The following THSD7B variants were observed in gnomAD, a reference collection of about 807,000 sequenced individuals.
The protein encoded by THSD7B is thrombospondin type 1 domain containing 7B, also known as thrombospondin type-1 domain-containing protein 7B.
In THSD7B, 138 loss-of-function variants were observed where a neutral mutation model predicts 213.6. The ratio of observed to expected loss-of-function variants is 0.65; its 90% CI spans 0.56 to 0.74. THSD7B has a LOEUF of 0.74. Ranked by LOEUF, THSD7B falls within the 30% of genes least tolerant of loss-of-function variation. THSD7B has a pLI of 0.00. For synonymous variants in THSD7B, 742 were observed against 687.0 expected (o/e 1.08, Z -1.25); for missense variants, 1,931 against 1,991.5 (o/e 0.97, Z 0.58).
intron 10 of THSD7B, among the ~76,000 whole-genome samples, chr2:137,269,655 A>G (rs1398179049): frequency 6.6e-6 from 1 of 152,250 alleles, no homozygotes; most frequent in Non-Finnish European, 1.5e-5. Flanking sequence ...AGTATAATTG[A>G]CATTAATTGG....
Position 136,882,105 on chromosome 2 carries a change from A to T in THSD7B, c.-35-39A>T, listed in dbSNP as rs549695204. 1,733 of 1,374,570 alleles carry T rather than the reference A, an allele frequency of 1.3e-3. 3 individuals carry two copies. The highest frequency in any genetic ancestry group is 1.5e-3 in the Non-Finnish European group (1,560 of 1,057,240). 85.1% of individuals were successfully genotyped at this position (1,374,570 alleles called of 1,614,324 possible). ...CAAAATGAGTTGTTATCTTTTCTTT[A>T]CAGAAGAAACTTACCTGATTTTTCT... On this transcript the variant is annotated intron_variant, in intron 1 of 27. Transcript: ENST00000409968.
intron 1 of THSD7B, among the ~76,000 whole-genome samples, chr2:136,807,320 T>G (rs774023277): frequency 2.6e-5 from 4 of 152,188 alleles, no homozygotes; most frequent in Non-Finnish European, 5.9e-5. Flanking sequence ...TATTTATTCA[T>G]ATCAGCATGG....
At chr2:137,468,937 T>A (rs375578158) in intron 15 of THSD7B, among the ~76,000 whole-genome samples, 2 of 152,164 alleles carry the variant, frequency 1.3e-5, no homozygotes, top group African/African-American at 4.8e-5. Flanking sequence ...TTGGACCTTT[T>A]TATTGACTAC....
intron 12 of THSD7B, among the ~76,000 whole-genome samples, chr2:137,399,729 A>T (rs570695039): frequency 3.2e-4 from 48 of 152,134 alleles, no homozygotes; most frequent in African/African-American, 1.2e-3. Flanking sequence ...CTGTATCTGG[A>T]TATCTAAATC....
At chr2:137,521,211 C>T (rs1324675196) in intron 15 of THSD7B, among the ~76,000 whole-genome samples, 5 of 152,122 alleles carry the variant, frequency 3.3e-5, no homozygotes, top group African/African-American at 9.7e-5. Flanking sequence ...TTATGAGATT[C>T]TATAGTCCTT....
intron 17 of THSD7B, among the ~76,000 whole-genome samples, chr2:137,574,931 A>G (rs1681428093): frequency 1.3e-5 from 2 of 152,142 alleles, no homozygotes; most frequent in Admixed American, 1.3e-4. Flanking sequence ...TGTCCTGTAG[A>G]ACATGAGCTG....
At chr2:137,632,296 G>A (rs1682756487) in intron 20 of THSD7B, among the ~76,000 whole-genome samples, 1 of 152,162 alleles carries the variant, frequency 6.6e-6, no homozygotes, top group Non-Finnish European at 1.5e-5. Flanking sequence ...GCTTTAAGAA[G>A]CCCCTCTGAA....
intron 7 of THSD7B, among the ~76,000 whole-genome samples, chr2:137,222,329 C>T (rs944457648): frequency 7.2e-5 from 11 of 152,106 alleles, no homozygotes; most frequent in Non-Finnish European, 1.0e-4. Flanking sequence ...GAAATCCAGA[C>T]GTCCCAACTA....
chr2:137,242,777 C>G (rs1681941846), intron 10 of THSD7B, among the ~76,000 whole-genome samples: 1 of 151,826 alleles, frequency 6.6e-6, no homozygotes, highest in South Asian at 2.1e-4. Flanking sequence ...ATTTTCTTAT[C>G]TTATGTCATA....
chr2:137,044,518 C>CA (rs1197085589), intron 2 of THSD7B, among the ~76,000 whole-genome samples: 2 of 152,092 alleles, frequency 1.3e-5, no homozygotes, highest in Non-Finnish European at 2.9e-5. Context: ...CCAGGACCTC[C>CA]AGTAGACACT....
intron 7 of THSD7B, among the ~76,000 whole-genome samples, chr2:137,227,234 C>A (rs1408149497): frequency 6.6e-6 from 1 of 152,090 alleles, no homozygotes; most frequent in East Asian, 1.9e-4. Context: ...TTTTCAAAAT[C>A]CCAAGTGACA....
intron 16 of THSD7B, among the ~76,000 whole-genome samples, chr2:137,565,151 A>G (rs1681208705): frequency 6.6e-6 from 1 of 152,136 alleles, no homozygotes; most frequent in Non-Finnish European, 1.5e-5. Context: ...CCTTGATCTC[A>G]GACTTCTAGT....
intron 12 of THSD7B, among the ~76,000 whole-genome samples, chr2:137,364,419 A>T (rs1685355550): frequency 6.6e-6 from 1 of 152,190 alleles, no homozygotes; most frequent in African/African-American, 2.4e-5. Context: ...AGAAAGAAAT[A>T]AAGGGGATTC....
intron 15 of THSD7B, among the ~76,000 whole-genome samples, chr2:137,551,546 C>T (rs1409532522): frequency 6.6e-6 from 1 of 152,112 alleles, no homozygotes; most frequent in Non-Finnish European, 1.5e-5. Flanking sequence ...GATTGCAAAC[C>T]ACTGTTCTTA....
At chr2:137,458,848 A>C (rs754772630) in intron 15 of THSD7B, among the ~76,000 whole-genome samples, 14 of 152,142 alleles carry the variant, frequency 9.2e-5, no homozygotes, top group Non-Finnish European at 1.9e-4. Context: ...ACTTTTCATA[A>C]AGATCAGTGA....
chr2:137,271,404 TATGAATTATA>T (rs1682731303), intron 10 of THSD7B, among the ~76,000 whole-genome samples: 2 of 142,828 alleles, frequency 1.4e-5, no homozygotes, highest in African/African-American at 5.2e-5. Context: ...ATTATATATA[TATGAATTATA>T]ATATATAATT....
chr2:137,398,766 G>T (rs558594537), intron 12 of THSD7B, among the ~76,000 whole-genome samples: 2 of 152,174 alleles, frequency 1.3e-5, no homozygotes, highest in South Asian at 2.1e-4. Context: ...CCCCAGCCTC[G>T]CTGCTGCCTT....
intron 2 of THSD7B, among the ~76,000 whole-genome samples, chr2:136,933,151 C>CCTT (rs1553458988): frequency 1.1e-5 from 1 of 87,958 alleles, no homozygotes; most frequent in African/African-American, 3.1e-5. Context: ...TTCCTTCCTT[C>CCTT]CTTCCTTCCT....
rs367545914 is a variant in THSD7B, at chr2:137,392,458, G to C, written c.2501-13155G>C. 5.3e-5 allele frequency among the ~76,000 whole-genome samples: 8 copies of C among 151,942 alleles called. No individual in the cohort carries two copies. In the South Asian group the frequency reaches 1.7e-3, roughly 32 times the overall value. On this transcript the variant is annotated intron_variant, in intron 12 of 27. Coordinates refer to ENST00000409968, the MANE Select transcript of THSD7B (RefSeq NM_001316349.2). ...GTTGGGTACATATATATCTAGAATG[G>C]TTATATCCTCTTACTGAACTGATCC...
Sources: gnomAD v4.1 joint callset for allele counts (sites outside exome capture counted in the v4.1 genomes callset) on GRCh38, gnomAD v4.1.1 for gene constraint, MANE v1.5 for transcripts, NCBI Gene and HGNC (gene_info 2026-07-23, HGNC 2026-07-21) for gene names.